The following PSME4 variants were observed in gnomAD, a reference collection of about 807,000 sequenced individuals.
PSME4 encodes the protein proteasome activator complex subunit 4.
In PSME4, 89 loss-of-function variants were observed where a neutral mutation model predicts 253.9. The ratio of observed to expected loss-of-function variants is 0.35; its 90% CI spans 0.30 to 0.42. PSME4 has a LOEUF of 0.42. Ranked by LOEUF, PSME4 falls within the 10% of genes least tolerant of loss-of-function variation. The pLI, the probability that PSME4 is intolerant of heterozygous loss-of-function variation, is 1.00. For missense variants in PSME4, 2,014 were observed against 2,195.2 expected (o/e 0.92, Z 1.65); for synonymous variants, 851 against 759.2 (o/e 1.12, Z -1.99).
At chr2:53,923,913 C>CAAAAAAAAAAAAAAAAAAAAAAAAAAA (rs199929436) in intron 14 of PSME4, among the ~76,000 whole-genome samples, 1 of 96,878 alleles carries the variant, frequency 1.0e-5, no homozygotes, top group African/African-American at 4.5e-5. Flanking sequence ...ACAGAGTTAA[C>CAAAAAAAAAAAAAAAAAAAAAAAAAAA]AAAAAAAAAA....
intron 7 of PSME4, 138 bp from the exon 8 acceptor site, chr2:53,934,865 T>C: frequency 1.5e-6 from 1 of 670,848 alleles, no homozygotes; most frequent in South Asian, 2.3e-5. Flanking sequence ...ACATAGTATT[T>C]AGTAACTTGC....
At position 53,920,946 on chromosome 2, in the gene PSME4, T is replaced by C. The variant is rs1668286173; in HGVS notation, c.2205A>G (p.Glu735=). The change falls in exon 18 of 47, where the codon GAA becomes GAG. Residue 735 remains glutamate (E), a synonymous_variant. Coordinates refer to ENST00000404125, the MANE Select transcript of PSME4 (RefSeq NM_014614.3). ...LRSTTLIYPT[E]YCSVPGGFDK... ...CAAAGCCACCTGGCACACTGCAGTA[T>C]TCTGTAGGGTAGATAAGTGTGGTAG... 1 of 1,613,986 alleles carries C rather than the reference T, an allele frequency of 6.2e-7. No homozygotes were observed. Among genetic ancestry groups the C allele is most frequent in the Non-Finnish European group, 8.5e-7 (1 of 1,179,882 alleles).
At chr2:53,939,642 C>T (rs1447227571) in intron 4 of PSME4, among the ~76,000 whole-genome samples, 3 of 152,060 alleles carry the variant, frequency 2.0e-5, no homozygotes, top group Non-Finnish European at 4.4e-5. Flanking sequence ...AGTTATGAAC[C>T]ACCTTCTTGG....
Position 53,970,759 on chromosome 2 carries a change from A to T in PSME4, c.26T>A (p.Val9Asp), listed in dbSNP as rs1402856829. The T allele has an allele frequency of 2.0e-6, 3 of 1,537,126 alleles. No homozygotes were observed. The Admixed American group carries it at 6.0e-5, about 31-fold the overall frequency. MEPAERAG[V>D]GEPPEPGGRP... The stretch of plus-strand genomic sequence containing the variant: ...CCCGCCCGGCTCCGGGGGCTCTCCG[A>T]CTCCCGCCCGCTCGGCCGGCTCCAT... Residue 9 changes from valine (V) to aspartate (D), a missense_variant, in exon 1 of 47, where the codon GTC becomes GAC. By Grantham distance (152) the Val-to-Asp change is radical. Coordinates refer to ENST00000404125, the MANE Select transcript of PSME4 (RefSeq NM_014614.3).
intron 28 of PSME4, among the ~76,000 whole-genome samples, chr2:53,900,617 G>C (rs12162343): frequency 0.21 from 31,199 of 152,024 alleles, 3,790 homozygotes; most frequent in African/African-American, 0.34. Flanking sequence ...CATATAACAT[G>C]TCCATATTAA....
Position 53,890,181 on chromosome 2 carries a change from G to T in PSME4, c.4219C>A (p.Pro1407Thr). 1 of 1,613,432 alleles carries T rather than the reference G, an allele frequency of 6.2e-7. No homozygotes were observed. The highest frequency in any genetic ancestry group is 8.5e-7 in the Non-Finnish European group (1 of 1,179,706). ...TTGGACAGTGCTGTTCTAAGCAGAG[G>T]GCACAGAAGCTCCCAAAGCTTCTCC... is the stretch of plus-strand genomic sequence containing the variant. ...KVEKLWELLC[P>T]LLRTALSNIT... Residue 1407 changes from proline to threonine, a missense_variant, in exon 37 of 47, where the codon CCT (proline) becomes ACT (threonine). Physicochemically the swap from Pro to Thr is conservative, Grantham distance 38. Coordinates refer to ENST00000404125, the MANE Select transcript of PSME4 (RefSeq NM_014614.3).
At chr2:53,876,222 TTGGTA>T (rs1679112214) in intron 41 of PSME4, among the ~76,000 whole-genome samples, 1 of 152,212 alleles carries the variant, frequency 6.6e-6, no homozygotes, top group African/African-American at 2.4e-5. Flanking sequence ...TTGTACTTAC[TTGGTA>T]TGTTTCATAA....
rs1252323333 is a variant in PSME4, at chr2:53,890,268, T to C, written c.4192-60A>G. The stretch of plus-strand genomic sequence containing the variant: ...GACACTCAGAACATTTTTCTTCAAA[T>C]ATCTTTCTTTACCTGGAAATGTACA... On this transcript the variant is annotated intron_variant, in intron 36 of 46. Coordinates refer to ENST00000404125, the MANE Select transcript of PSME4 (RefSeq NM_014614.3). 9.6e-6 allele frequency: 11 copies of C among 1,142,376 alleles called. No homozygotes were observed. The South Asian group carries it at 1.2e-4, about 12-fold the overall frequency. The allele number at this position is 1,142,376 out of a possible 1,614,324, so 70.8% of individuals were successfully genotyped here.
At chr2:53,894,263 ACTTT>A (rs1680041078) in intron 34 of PSME4, among the ~76,000 whole-genome samples, 1 of 151,918 alleles carries the variant, frequency 6.6e-6, no homozygotes, top group Non-Finnish European at 1.5e-5. Context: ...CCCTTTCTCA[ACTTT>A]CTTTTTTTTC....
At chr2:53,903,905 G>A (rs1269166987) in intron 27 of PSME4, 120 bp downstream of exon 27, 3 of 827,256 alleles carry the variant, frequency 3.6e-6, no homozygotes, top group East Asian at 5.3e-5. Flanking sequence ...AGCAAATACA[G>A]CAAAATCTTA....
chr2:53,958,678 A>T (rs1304535661), intron 1 of PSME4, among the ~76,000 whole-genome samples: 1 of 152,200 alleles, frequency 6.6e-6, no homozygotes, highest in Admixed American at 6.5e-5. Context: ...AAGAATAGGT[A>T]ACAAAAATTA....
intron 10 of PSME4, among the ~76,000 whole-genome samples, chr2:53,930,772 T>C (rs1668793266): frequency 6.6e-6 from 1 of 152,186 alleles, no homozygotes; most frequent in South Asian, 2.1e-4. Flanking sequence ...AAATAGGCTA[T>C]AGTCTGAATT....
At chr2:53,968,200 G>A (rs536789934) in intron 1 of PSME4, among the ~76,000 whole-genome samples, 5 of 148,760 alleles carry the variant, frequency 3.4e-5, no homozygotes, top group South Asian at 2.1e-4. Flanking sequence ...GCTTGAACCC[G>A]AAAGGCAGGG....
chr2:53,940,887 A>ACATATTTAAATATATATAATG (rs1669366965), intron 3 of PSME4, among the ~76,000 whole-genome samples: 1 of 141,178 alleles, frequency 7.1e-6, no homozygotes, highest in Non-Finnish European at 1.5e-5. Context: ...TATATATAAT[A>ACATATTTAAATATATATAATG]CATATTTAAA....
At chr2:53,883,666 GGCATATGC>G (rs547905350) in intron 41 of PSME4, among the ~76,000 whole-genome samples, 2 of 152,020 alleles carry the variant, frequency 1.3e-5, no homozygotes, top group Non-Finnish European at 2.9e-5. Context: ...TAAGTTACGA[GGCATATGC>G]TAACTGAATC....
intron 10 of PSME4, among the ~76,000 whole-genome samples, chr2:53,929,487 G>T (rs1330663849): frequency 6.6e-6 from 1 of 151,990 alleles, no homozygotes; most frequent in Non-Finnish European, 1.5e-5. Context: ...TAGTGACAGA[G>T]TTTTGCCATG....
intron 42 of PSME4, 73 bp from the exon 43 acceptor site, chr2:53,874,567 C>T: frequency 1.5e-6 from 2 of 1,342,858 alleles, no homozygotes; most frequent in Non-Finnish European, 2.1e-6. Context: ...AGTGACATTA[C>T]ACACAAACAA....
At chr2:53,954,809 C>G (rs556596269) in intron 1 of PSME4, among the ~76,000 whole-genome samples, 1 of 150,596 alleles carries the variant, frequency 6.6e-6, no homozygotes, top group East Asian at 2.0e-4. Flanking sequence ...CCACTGCACT[C>G]CAGCCTGGGT....
In PSME4 at chr2:53,892,970, CA is replaced by C. The variant is rs1679977559; in HGVS notation, c.4039-11del. 1.2e-6 allele frequency: 2 copies of C among 1,606,662 alleles called. No homozygotes were observed. Among genetic ancestry groups the C allele is most frequent in the African/African-American group, 2.7e-5 (2 of 74,620 alleles). ...AATTCCTGAATATACCCTATAAAAA[CA>C]AAGACTGTTCTTCAGTACTCAAATG... On this transcript the variant is annotated splice_polypyrimidine_tract_variant and intron_variant, in intron 35 of 46. Coordinates refer to ENST00000404125, the MANE Select transcript of PSME4 (RefSeq NM_014614.3).
Sources: allele counts gnomAD v4.1 joint callset (sites outside exome capture counted in the v4.1 genomes callset), GRCh38; gene constraint gnomAD v4.1.1; transcripts MANE v1.5; gene names NCBI Gene and HGNC (gene_info 2026-07-23, HGNC 2026-07-21).